RAD21L1: variants seen among roughly 807,000 people sequenced by gnomAD.
RAD21L1 encodes double-strand-break repair protein rad21-like protein 1.
In RAD21L1, 47 loss-of-function variants were observed where a neutral mutation model predicts 69.0. That is an observed-to-expected ratio of 0.68 (90% CI 0.54 to 0.87). The LOEUF is 0.87. Ranked by LOEUF, RAD21L1 falls within the 40% of genes least tolerant of loss-of-function variation. RAD21L1 has a pLI of 0.00. For missense variants in RAD21L1, 583 were observed against 647.6 expected (o/e 0.90, Z 1.08); for synonymous variants, 177 against 205.8 (o/e 0.86, Z 1.20).
intron 8 of RAD21L1, among the ~76,000 whole-genome samples, chr20:1,241,674 T>C (rs755305868): frequency 1.3e-5 from 2 of 152,140 alleles, no homozygotes; most frequent in Non-Finnish European, 2.9e-5. Flanking sequence ...AATCTGTGGT[T>C]CCCAGGGCTC....
intron 5 of RAD21L1, among the ~76,000 whole-genome samples, chr20:1,235,724 T>TTATTTG (rs1355640923): frequency 7.2e-5 from 11 of 152,064 alleles, no homozygotes; most frequent in Non-Finnish European, 1.2e-4. Flanking sequence ...AAGACACTCT[T>TTATTTG]TACAAATTCC....
At chr20:1,254,143 T>C in intron 13 of RAD21L1, 126 bp from the exon 14 acceptor site, 1 of 620,354 alleles carries the variant, frequency 1.6e-6, no homozygotes, top group Non-Finnish European at 2.6e-6. Context: ...CCTTTTTCCA[T>C]TTAAGGATTT....
rs1233401626 is a variant in RAD21L1, at chr20:1,228,466, CAT to C, written c.14_15del (p.His5ArgfsTer5). 4 of 1,545,742 alleles carry C rather than the reference CAT, an allele frequency of 2.6e-6. No homozygotes were observed. In the Admixed American group the frequency reaches 6.1e-5, roughly 23 times the overall value. MFYT[H>X]VLMSKRGPLA... ...GAACACAGGCAACATGTTCTACACACATGTGCTTATGAGTAAACGAGGGCCAT... is the reference window on the plus strand; with the variant it reads ...GAACACAGGCAACATGTTCTACACACGTGCTTATGAGTAAACGAGGGCCAT... On this transcript the variant is annotated frameshift_variant, in exon 2 of 14. Transcript: ENST00000683101. LOFTEE classifies it high-confidence loss of function.
At chr20:1,227,557 A>G (rs1030337402) in intron 1 of RAD21L1, among the ~76,000 whole-genome samples, 3 of 152,242 alleles carry the variant, frequency 2.0e-5, no homozygotes, top group African/African-American at 7.2e-5. Context: ...AGAAGCTTCC[A>G]TAGTGGCAGT....
intron 8 of RAD21L1, among the ~76,000 whole-genome samples, chr20:1,240,742 C>T (rs531099141): frequency 4.6e-5 from 7 of 152,284 alleles, no homozygotes; most frequent in African/African-American, 1.7e-4. Context: ...GCCATGGCAA[C>T]ACCGGGAATT....
At chr20:1,253,576 C>T (rs1331474275) in intron 13 of RAD21L1, among the ~76,000 whole-genome samples, 3 of 152,126 alleles carry the variant, frequency 2.0e-5, no homozygotes, top group East Asian at 3.9e-4. Context: ...GGATTACAGG[C>T]GTGAGCCACC....
chr20:1,255,670 C>G lies in RAD21L1; in HGVS notation c.*1213C>G, dbSNP rs1004459253. On this transcript the variant is annotated 3_prime_UTR_variant, in exon 14 of 14. Transcript: ENST00000683101. ...CATATTTGTAGAGTCCTGTAACCAT[C>G]TCCACAATTAGGATTCCAGCAGTAA... Among the ~76,000 whole-genome samples, 3 of 152,168 alleles carry G rather than the reference C, an allele frequency of 2.0e-5. No individual in the cohort carries two copies. Among genetic ancestry groups the G allele is most frequent in the African/African-American group, 7.2e-5 (3 of 41,452 alleles).
chr20:1,243,287 T>G, intron 10 of RAD21L1, 91 bp downstream of exon 10: 2 of 607,826 alleles, frequency 3.3e-6, no homozygotes, highest in Non-Finnish European at 5.7e-6. Flanking sequence ...TGGGATCCAA[T>G]TCCATATTCT....
At position 1,238,123 on chromosome 20, in the gene RAD21L1, A is replaced by C; in HGVS notation, c.555A>C (p.Glu185Asp). ...ILLNSSGPLI[E>D]HSSGSLTGER... ...TGAATTCCAGTGGTCCTTTAATTGAACATAGTTCTGGAAGCCTCACTGGAG... is the reference window on the plus strand; with the variant it reads ...TGAATTCCAGTGGTCCTTTAATTGACCATAGTTCTGGAAGCCTCACTGGAG... The change falls in exon 6 of 14, where the codon GAA becomes GAC. Residue 185 changes from glutamate to aspartate, a missense_variant. Glu to Asp is a conservative substitution (Grantham distance 45, BLOSUM62 2). Coordinates refer to ENST00000683101, the MANE Select transcript of RAD21L1 (RefSeq NM_001384355.1). 2.6e-6 allele frequency: 4 copies of C among 1,544,620 alleles called. No individual in the cohort carries two copies. Among genetic ancestry groups the C allele is most frequent in the Non-Finnish European group, 3.5e-6 (4 of 1,142,174 alleles).
intron 13 of RAD21L1, among the ~76,000 whole-genome samples, chr20:1,252,437 C>T (rs981143536): frequency 1.3e-5 from 2 of 152,124 alleles, no homozygotes; most frequent in Non-Finnish European, 2.9e-5. Context: ...TTTAAGTCTA[C>T]TGCCTAGGAG....
Position 1,231,525 on chromosome 20 carries a change from G to T in RAD21L1, c.275-1G>T. On this transcript the variant is annotated splice_acceptor_variant, in intron 3 of 13. Transcript: ENST00000683101. LOFTEE classifies it high-confidence loss of function. ...TGAGTATGGTTTTTGATCCTTTTCA[G>T]GACTGGTTGACCTTCCAAAAGAGAA... The T allele has an allele frequency of 6.7e-7, 1 of 1,482,078 alleles. No individual in the cohort carries two copies. Among genetic ancestry groups the T allele is most frequent in the South Asian group, 1.2e-5 (1 of 80,508 alleles). 91.8% of individuals were successfully genotyped at this position (1,482,078 alleles called of 1,614,324 possible).
At chr20:1,230,841 C>T in intron 3 of RAD21L1, 2 of 352,784 alleles carry the variant, frequency 5.7e-6, no homozygotes, top group Non-Finnish European at 7.9e-6. Flanking sequence ...TGATTTCATA[C>T]TTTGTACCAA....
chr20:1,251,454 T>G (rs1404971899), intron 13 of RAD21L1, among the ~76,000 whole-genome samples: 1 of 151,940 alleles, frequency 6.6e-6, no homozygotes, highest in Non-Finnish European at 1.5e-5. Context: ...TTAGAAAATT[T>G]TTAAAAATTT....
chr20:1,242,542 C>A, intron 8 of RAD21L1, 77 bp from the exon 9 acceptor site: 1 of 1,149,210 alleles, frequency 8.7e-7, no homozygotes, highest in South Asian at 1.3e-5. Context: ...TTAGAAATTT[C>A]TTAAGTATTT....
chr20:1,233,312 T>C (rs1478309179), intron 4 of RAD21L1, among the ~76,000 whole-genome samples: 1 of 152,080 alleles, frequency 6.6e-6, no homozygotes, highest in Non-Finnish European at 1.5e-5. Context: ...TGAGTATACA[T>C]TTAAAAAAAG....
At chr20:1,247,723 G>A (rs767362264) in intron 12 of RAD21L1, among the ~76,000 whole-genome samples, 4 of 152,066 alleles carry the variant, frequency 2.6e-5, no homozygotes, top group Non-Finnish European at 5.9e-5. Flanking sequence ...TTGTCTTGGA[G>A]TCTATGAAAT....
intron 5 of RAD21L1, among the ~76,000 whole-genome samples, chr20:1,234,784 C>T (rs1568517638): frequency 6.6e-6 from 1 of 151,984 alleles, no homozygotes. Context: ...GGGTTTTGTT[C>T]TTGTCACCCA....
chr20:1,230,106 T>C (rs2087360243), intron 3 of RAD21L1, 97 bp downstream of exon 3: 5 of 850,782 alleles, frequency 5.9e-6, no homozygotes, highest in Middle Eastern at 2.6e-4. Context: ...GTATGGTGAA[T>C]GTAAACTTAG....
chr20:1,236,693 A>G (rs1600220726), intron 5 of RAD21L1, among the ~76,000 whole-genome samples: 1 of 152,340 alleles, frequency 6.6e-6, no homozygotes, highest in East Asian at 1.9e-4. Flanking sequence ...TCATAGGGTT[A>G]TTCCCCTTAT....
Sources: allele counts gnomAD v4.1 joint callset (sites outside exome capture counted in the v4.1 genomes callset), GRCh38; gene constraint gnomAD v4.1.1; transcripts MANE v1.5; gene names NCBI Gene and HGNC (gene_info 2026-07-23, HGNC 2026-07-21).